EXT1: variants seen among roughly 807,000 people sequenced by gnomAD.
The protein encoded by EXT1 is exostosin glycosyltransferase 1, also known as exostosin-1.
In EXT1, 20 loss-of-function variants were observed where a neutral mutation model predicts 82.5. The ratio of observed to expected loss-of-function variants is 0.24; its 90% CI spans 0.17 to 0.35. The LOEUF is 0.35. EXT1 is among the 10% of genes least tolerant of loss of function. The probability of loss-of-function intolerance (pLI) is 1.00; values close to 1 mark genes in which losing one functional copy is unlikely to be tolerated. For synonymous variants in EXT1, 348 were observed against 350.8 expected, an observed-to-expected ratio of 0.99 and a Z score of 0.09; for missense variants, 757 against 936.5, an observed-to-expected ratio of 0.81 and a Z score of 2.50.
intron 1 of EXT1, among the ~76,000 whole-genome samples, chr8:117,893,852 T>C (rs1813290708): frequency 1.3e-5 from 2 of 152,164 alleles, no homozygotes; most frequent in Admixed American, 6.5e-5. Flanking sequence ...TCACCTAGTT[T>C]TAGCAAAAAT....
At chr8:118,047,545 T>C (rs1411025984) in intron 1 of EXT1, among the ~76,000 whole-genome samples, 1 of 152,120 alleles carries the variant, frequency 6.6e-6, no homozygotes, top group Admixed American at 6.5e-5. Context: ...AAATACAAAG[T>C]ACTTGATATA....
intron 1 of EXT1, among the ~76,000 whole-genome samples, chr8:117,896,431 A>G (rs1813337187): frequency 6.6e-6 from 1 of 152,208 alleles, no homozygotes; most frequent in Admixed American, 6.5e-5. Context: ...AACAATGAAG[A>G]TAAGGGAGGA....
chr8:117,815,246 C>T lies in EXT1; in HGVS notation c.1633-2285G>A, dbSNP rs146914315. Among the ~76,000 whole-genome samples, 371 of 152,262 alleles carry T rather than the reference C, an allele frequency of 2.4e-3. 1 individual carries two copies. Among genetic ancestry groups the T allele is most frequent in the Middle Eastern group, 6.8e-3 (2 of 294 alleles). ...CAGGGGAAAACTGCAAAGACAACGCCTATAAATTCAAAACAGAATTTTTCA... is the reference window on the plus strand; with the variant it reads ...CAGGGGAAAACTGCAAAGACAACGCTTATAAATTCAAAACAGAATTTTTCA... On this transcript the variant is annotated intron_variant, in intron 7 of 10. Coordinates refer to ENST00000378204, the MANE Select transcript of EXT1 (RefSeq NM_000127.3).
chr8:117,808,540 A>G (rs1196650247), intron 8 of EXT1, among the ~76,000 whole-genome samples: 2 of 152,236 alleles, frequency 1.3e-5, no homozygotes, highest in African/African-American at 4.8e-5. Context: ...TTTGTCTCTT[A>G]TACACGCTAT....
intron 1 of EXT1, among the ~76,000 whole-genome samples, chr8:118,076,297 T>C (rs555300105): frequency 2.5e-3 from 379 of 152,364 alleles, no homozygotes; most frequent in Non-Finnish European, 4.5e-3. Flanking sequence ...GGGGATTGTG[T>C]CAACACTGGT....
intron 4 of EXT1, among the ~76,000 whole-genome samples, chr8:117,826,571 T>A (rs1222151126): frequency 1.3e-5 from 2 of 152,244 alleles, no homozygotes; most frequent in Non-Finnish European, 2.9e-5. Flanking sequence ...GTTATTTGTA[T>A]CTGTGGATGG....
chr8:117,875,397 G>A (rs560187637), intron 1 of EXT1, among the ~76,000 whole-genome samples: 2 of 151,084 alleles, frequency 1.3e-5, no homozygotes, highest in South Asian at 2.1e-4. Context: ...CTCCAGCCTG[G>A]GTGATAGAGT....
At chr8:117,976,492 A>G (rs1251648484) in intron 1 of EXT1, among the ~76,000 whole-genome samples, 1 of 152,262 alleles carries the variant, frequency 6.6e-6, no homozygotes, top group Non-Finnish European at 1.5e-5. Context: ...CACAGACATA[A>G]TGGCAAGTTA....
At chr8:117,913,299 C>T (rs4467961) in intron 1 of EXT1, among the ~76,000 whole-genome samples, 82,412 of 151,862 alleles carry the variant, frequency 0.54, 24,389 homozygotes, top group Middle Eastern at 0.76. Flanking sequence ...CTGTCCCCTT[C>T]GCTAGAAATT....
At chr8:117,822,716 C>A (rs1307158016) in intron 4 of EXT1, 119 bp from the exon 5 acceptor site, 9 of 1,037,746 alleles carry the variant, frequency 8.7e-6, no homozygotes, top group South Asian at 7.9e-5. Flanking sequence ...ACCCTCCCTC[C>A]CACTTTAATT....
intron 1 of EXT1, among the ~76,000 whole-genome samples, chr8:117,852,258 A>T (rs1190325169): frequency 6.6e-6 from 1 of 152,166 alleles, no homozygotes; most frequent in South Asian, 2.1e-4. Context: ...GAGATGTCCC[A>T]TTGGCTAGCT....
chr8:118,084,362 T>G (rs1347563807), intron 1 of EXT1, among the ~76,000 whole-genome samples: 2 of 152,218 alleles, frequency 1.3e-5, no homozygotes, highest in East Asian at 3.8e-4. Context: ...GAGCACAAAG[T>G]CTGTACTACC....
At chr8:118,109,958 C>T (rs1817863789) in intron 1 of EXT1, 127 bp downstream of exon 1, 2 of 1,484,240 alleles carry the variant, frequency 1.3e-6, no homozygotes, top group Non-Finnish European at 1.9e-6. Context: ...TTGCTCAGTT[C>T]CAGGCTCAAA....
At chr8:117,806,778 T>G (rs913725112) in intron 9 of EXT1, among the ~76,000 whole-genome samples, 1 of 152,240 alleles carries the variant, frequency 6.6e-6, no homozygotes, top group Non-Finnish European at 1.5e-5. Context: ...ATATCACTTA[T>G]CTCCTTAATA....
intron 1 of EXT1, among the ~76,000 whole-genome samples, chr8:117,912,014 A>T (rs1470769581): frequency 6.6e-6 from 1 of 152,248 alleles, no homozygotes; most frequent in African/African-American, 2.4e-5. Flanking sequence ...AAAAGAGGAA[A>T]AGGAAGAAGA....
At chr8:117,854,227 C>T (rs1812502608) in intron 1 of EXT1, among the ~76,000 whole-genome samples, 2 of 152,154 alleles carry the variant, frequency 1.3e-5, no homozygotes, top group Non-Finnish European at 2.9e-5. Context: ...AAGGAAAAGC[C>T]ACAACTGGGC....
chr8:117,977,808 G>A (rs1467124863), intron 1 of EXT1, among the ~76,000 whole-genome samples: 2 of 152,180 alleles, frequency 1.3e-5, no homozygotes, highest in East Asian at 1.9e-4. Flanking sequence ...CAGTGGCCTG[G>A]TGGGTACATA....
chr8:118,096,349 G>A (rs1817610464), intron 1 of EXT1, among the ~76,000 whole-genome samples: 1 of 152,162 alleles, frequency 6.6e-6, no homozygotes. Context: ...GAGGCCAGGT[G>A]CACTGGTTCA....
Position 118,094,798 on chromosome 8 carries a change from T to C in EXT1, c.962+15287A>G, listed in dbSNP as rs192305278. Among the ~76,000 whole-genome samples, 157 of 152,338 alleles carry C rather than the reference T, an allele frequency of 1.0e-3. 1 individual carries two copies. The highest frequency in any genetic ancestry group is 4.9e-3 in the Admixed American group (75 of 15,298). On this transcript the variant is annotated intron_variant, in intron 1 of 10. Coordinates refer to ENST00000378204, the MANE Select transcript of EXT1 (RefSeq NM_000127.3). ...CAGCTGGAAGTCAAGAGACGTGTGTTCCATTTCGGATTCGGTCACAACTAC... is the reference window on the plus strand; with the variant it reads ...CAGCTGGAAGTCAAGAGACGTGTGTCCCATTTCGGATTCGGTCACAACTAC...
Sources: gnomAD v4.1 joint callset for allele counts (sites outside exome capture counted in the v4.1 genomes callset) on GRCh38, gnomAD v4.1.1 for gene constraint, MANE v1.5 for transcripts, NCBI Gene and HGNC (gene_info 2026-07-23, HGNC 2026-07-21) for gene names.